Variants in USF1 observed in about 807,000 individuals in gnomAD.
USF1 encodes upstream transcription factor 1.
In USF1, 22 loss-of-function variants were observed where a neutral mutation model predicts 46.3. That is an observed-to-expected ratio of 0.47 (90% CI 0.34 to 0.68). The LOEUF (loss-of-function observed/expected upper bound fraction) is 0.68, where lower values mean the gene tolerates loss of function less well. Ranked by LOEUF, USF1 falls within the 30% of genes least tolerant of loss-of-function variation. USF1 has a pLI of 0.01. For missense variants in USF1, 287 were observed against 399.3 expected (o/e 0.72, Z 2.40); for synonymous variants, 150 against 147.0 (o/e 1.02, Z -0.15).
chr1:161,042,535 C>T lies in USF1; in HGVS notation c.174+20G>A. On this transcript the variant is annotated intron_variant, in intron 4 of 10. Coordinates refer to ENST00000368021, the MANE Select transcript of USF1 (RefSeq NM_007122.5). ...CCCAACCCCAGATAACACCTGCAGC[C>T]ACCTGGCCCCCTCCCTTACCTGGCC... is the stretch of plus-strand genomic sequence containing the variant. 6.2e-7 allele frequency: 1 copy of T among 1,613,248 alleles called. No individual in the cohort carries two copies. The highest frequency in any genetic ancestry group is 8.5e-7 in the Non-Finnish European group (1 of 1,179,464).
chr1:161,041,941 A>T, intron 5 of USF1, 95 bp from the exon 6 acceptor site: 1 of 1,373,916 alleles, frequency 7.3e-7, no homozygotes, highest in Non-Finnish European at 1.0e-6. Context: ...GGTGGTAGGT[A>T]GGGTGGAGAG....
At chr1:161,041,941 A>G (rs1650581603) in intron 5 of USF1, 95 bp from the exon 6 acceptor site, 4 of 1,373,920 alleles carry the variant, frequency 2.9e-6, no homozygotes, top group Middle Eastern at 3.7e-4. Flanking sequence ...GGTGGTAGGT[A>G]GGGTGGAGAG....
At chr1:161,043,946 T>TTC (rs1553214137) in intron 1 of USF1, among the ~76,000 whole-genome samples, 10 of 144,144 alleles carry the variant, frequency 6.9e-5, no homozygotes, top group African/African-American at 2.1e-4. Flanking sequence ...TTTCTTTCTT[T>TTC]TTTTTTTTTT....
At position 161,039,849 on chromosome 1, in the gene USF1, G is replaced by T; in HGVS notation, c.*71C>A. The T allele has an allele frequency of 6.6e-7, 1 of 1,523,886 alleles. No homozygotes were observed. 94.4% of individuals were successfully genotyped at this position (1,523,886 alleles called of 1,614,324 possible). A position where few individuals can be genotyped will look rare whatever the true frequency, so the allele number is the denominator to read the frequency against. On this transcript the variant is annotated 3_prime_UTR_variant, in exon 11 of 11. Coordinates refer to ENST00000368021, the MANE Select transcript of USF1 (RefSeq NM_007122.5). ...CCAGAAGTGGGGCAGTGAAGGAAAG[G>T]GGCACGGGATTAGGCTGTTGCTCCT... is the stretch of plus-strand genomic sequence containing the variant.
At chr1:161,043,395 G>C (rs1048222739) in intron 1 of USF1, 35 bp from the exon 2 acceptor site, 12 of 1,512,828 alleles carry the variant, frequency 7.9e-6, no homozygotes, top group Admixed American at 7.2e-5. Context: ...ATGAGTTTAG[G>C]AAACAGAACA....
At position 161,039,532 on chromosome 1, in the gene USF1, C is replaced by A; in HGVS notation, c.*388G>T. ...ACCTCAGCTCCAGGGAAAGGAAGAA[C>A]CAATGGAAGTGCCAGAGTCCTGGGG... On this transcript the variant is annotated 3_prime_UTR_variant, in exon 11 of 11. Coordinates refer to ENST00000368021, the MANE Select transcript of USF1 (RefSeq NM_007122.5). The A allele has an allele frequency of 5.1e-6, 1 of 195,992 alleles. No individual in the cohort carries two copies. 12.1% of individuals were successfully genotyped at this position (195,992 alleles called of 1,614,324 possible). A position where few individuals can be genotyped will look rare whatever the true frequency, so the allele number is the denominator to read the frequency against.
At chr1:161,041,525 C>T (rs17175575) in intron 6 of USF1, 114 bp from the exon 7 acceptor site, 36,943 of 1,478,342 alleles carry the variant, frequency 0.025, 581 homozygotes, top group Non-Finnish European at 0.029. Flanking sequence ...AAGAGCAGCC[C>T]CAGACTCACT....
Position 161,043,154 on chromosome 1 carries a change from T to C in USF1, c.8+114A>G, listed in dbSNP as rs1467127635. 7.0e-6 allele frequency: 11 copies of C among 1,572,124 alleles called. No individual in the cohort carries two copies. The Admixed American group carries it at 1.0e-4, about 15-fold the overall frequency. Reference sequence around the variant, plus strand: ...AGAAACCAAATCACACAGTAAGTGATAGAGTAGAACCTGAATCCAGGTCTG... The same window carrying C: ...AGAAACCAAATCACACAGTAAGTGACAGAGTAGAACCTGAATCCAGGTCTG... On this transcript the variant is annotated intron_variant, in intron 2 of 10. Transcript: ENST00000368021.
rs1461114280 is a variant in USF1 at position 161,040,376 on chromosome 1, C to T, written c.715-46G>A. 1 of 1,607,810 alleles carries T rather than the reference C, an allele frequency of 6.2e-7. No individual in the cohort carries two copies. Among genetic ancestry groups the T allele is most frequent in the East Asian group, 2.2e-5 (1 of 44,762 alleles). ...AATGAGAACTAGGATTTCAGATACC[C>T]AGCTTGCTTTCCAAAAGTAGGTTCA... On this transcript the variant is annotated intron_variant, in intron 9 of 10. Transcript: ENST00000368021. The surrounding 1 kb of genome is among the most constrained non-coding windows in gnomAD (Gnocchi z 4.0).
intron 6 of USF1, 68 bp from the exon 7 acceptor site, chr1:161,041,479 C>T: frequency 6.5e-7 from 1 of 1,537,702 alleles, no homozygotes; most frequent in Non-Finnish European, 8.9e-7. Flanking sequence ...GAGGTGAAGA[C>T]CCTGGTCCCC....
intron 4 of USF1, 71 bp from the exon 5 acceptor site, chr1:161,042,288 C>A: frequency 2.0e-6 from 3 of 1,466,328 alleles, no homozygotes; most frequent in Non-Finnish European, 2.8e-6. Flanking sequence ...TCCTAGGGCC[C>A]CTCATAAAGC....
rs571151046 is a variant in USF1 at position 161,043,376 on chromosome 1, A to C, written c.-85-16T>G. On this transcript the variant is annotated splice_polypyrimidine_tract_variant and intron_variant, in intron 1 of 10. Coordinates refer to ENST00000368021, the MANE Select transcript of USF1 (RefSeq NM_007122.5). Reference sequence around the variant, plus strand: ...GTGCTAAGTCCTGGTAGAAATCATGAAGTTTGCAATGAGTTTAGGAAACAG... The same window carrying C: ...GTGCTAAGTCCTGGTAGAAATCATGCAGTTTGCAATGAGTTTAGGAAACAG... 7.9e-5 allele frequency: 125 copies of C among 1,589,464 alleles called. No homozygotes were observed. The African/African-American group carries it at 1.6e-3, about 20-fold the overall frequency.
chr1:161,043,615 C>A (rs959101090), intron 1 of USF1, among the ~76,000 whole-genome samples: 1 of 138,136 alleles, frequency 7.2e-6, no homozygotes, highest in Non-Finnish European at 1.6e-5. Flanking sequence ...AAGACAGAAA[C>A]AACACTTTTT....
rs1206317533 is a variant in USF1, at chr1:161,042,568, T to C, written c.161A>G (p.Glu54Gly). The change falls in exon 4 of 11, where the codon GAG becomes GGG. Residue 54 changes from glutamate (E) to glycine (G), a missense_variant. By Grantham distance (98) the Glu-to-Gly change is moderately conservative. Transcript: ENST00000368021. ...CCCCTCCCTTACCTGGCCCCCATTC[T>C]CAGTTCGGAAGACGTACTTGACGTT... ...DPNVKYVFRT[E>G]NGGQVMYRVI... 6.2e-7 allele frequency: 1 copy of C among 1,614,008 alleles called. No homozygotes were observed. Among genetic ancestry groups the C allele is most frequent in the Non-Finnish European group, 8.5e-7 (1 of 1,180,022 alleles).
chr1:161,041,617 C>A, intron 6 of USF1, 34 bp downstream of exon 6: 1 of 1,587,040 alleles, frequency 6.3e-7, no homozygotes, highest in South Asian at 1.1e-5. Context: ...CCTATTCTAG[C>A]CCTTTCAGCC....
At chr1:161,041,587 CT>C in intron 6 of USF1, 63 bp downstream of exon 6, 1 of 1,559,324 alleles carries the variant, frequency 6.4e-7, no homozygotes, top group South Asian at 1.2e-5. Context: ...GGCTCACTGC[CT>C]ACCAGTCATG....
At chr1:161,043,233 T>G in intron 2 of USF1, 35 bp downstream of exon 2, 1 of 1,614,140 alleles carries the variant, frequency 6.2e-7, no homozygotes, top group Non-Finnish European at 8.5e-7. Context: ...AGGCCACCCA[T>G]CTTTCATCCC....
chr1:161,045,383 A>G (rs1571054378), intron 1 of USF1, among the ~76,000 whole-genome samples: 1 of 152,074 alleles, frequency 6.6e-6, no homozygotes, highest in East Asian at 1.9e-4. Flanking sequence ...ACACAAAGGG[A>G]AAAAAAATCA....
At chr1:161,045,384 A>G (rs958807271) in intron 1 of USF1, among the ~76,000 whole-genome samples, 1 of 152,290 alleles carries the variant, frequency 6.6e-6, no homozygotes, top group Non-Finnish European at 1.5e-5. Flanking sequence ...CACAAAGGGA[A>G]AAAAAATCAA....
Sources: allele counts gnomAD v4.1 joint callset (sites outside exome capture counted in the v4.1 genomes callset), GRCh38; gene constraint gnomAD v4.1.1; non-coding constraint Gnocchi (gnomAD v3.1); transcripts MANE v1.5; gene names NCBI Gene and HGNC (gene_info 2026-07-23, HGNC 2026-07-21).